SPTB: variants seen among roughly 807,000 people sequenced by gnomAD.
The protein encoded by SPTB is spectrin beta chain, erythrocytic.
A neutral mutation model predicts 256.2 loss-of-function variants in SPTB; 45 were observed. The observed-to-expected ratio is 0.18, with a 90% CI of 0.14 to 0.23. The LOEUF is 0.23. SPTB is among the 10% of genes least tolerant of loss of function. The pLI is 1.00. For missense variants in SPTB, 2,715 were observed against 3,040.4 expected (o/e 0.89, Z 2.52); for synonymous variants, 1,231 against 1,243.1 (o/e 0.99, Z 0.21).
chr14:64,812,888 T>A (rs1566780864), intron 2 of SPTB, among the ~76,000 whole-genome samples: 2 of 152,320 alleles, frequency 1.3e-5, no homozygotes, highest in South Asian at 2.1e-4. Flanking sequence ...TGCCTCTCCC[T>A]CCTTTTCTGT....
chr14:64,862,222 A>G (rs1594853674), intron 1 of SPTB, among the ~76,000 whole-genome samples: 1 of 152,116 alleles, frequency 6.6e-6, no homozygotes, highest in Non-Finnish European at 1.5e-5. Flanking sequence ...ATCTCAGTAA[A>G]TTAGCAACAG....
Position 64,760,086 on chromosome 14 carries a change from C to T in SPTB, c.6346-6293G>A, listed in dbSNP as rs370570893. Among the ~76,000 whole-genome samples the T allele has an allele frequency of 6.6e-6, 1 of 152,100 alleles. No individual in the cohort carries two copies. The highest frequency in any genetic ancestry group is 6.6e-5 in the Admixed American group (1 of 15,262). ...AGGGCACAGCCCTTTTGGGGTCTCACAGGATTGTAGTCAAACCAACAGGGA... is the reference window on the plus strand; with the variant it reads ...AGGGCACAGCCCTTTTGGGGTCTCATAGGATTGTAGTCAAACCAACAGGGA... On this transcript the variant is annotated intron_variant, in intron 32 of 35. Coordinates refer to ENST00000644917, the MANE Select transcript of SPTB (RefSeq NM_001355436.2). This position sits in a 1 kb window ranked among gnomAD's most constrained non-coding sequence, Gnocchi z 4.3.
At position 64,795,412 on chromosome 14, in the gene SPTB, C is replaced by A. The variant is rs772481672; in HGVS notation, c.1569G>T (p.Arg523Ser). 4.0e-5 allele frequency: 65 copies of A among 1,614,152 alleles called. No individual in the cohort carries two copies. Among genetic ancestry groups the A allele is most frequent in the Non-Finnish European group, 5.4e-5 (64 of 1,180,034 alleles). The change falls in exon 12 of 36, where the codon AGG becomes AGT. Residue 523 changes from arginine to serine, a missense_variant. Coordinates refer to ENST00000644917, the MANE Select transcript of SPTB (RefSeq NM_001355436.2). This position sits in a 1 kb window ranked among gnomAD's most constrained non-coding sequence, Gnocchi z 6.5. ...LQELLQSRRQ[R>S]LETTLALQKL... is the part of the protein sequence containing the mutation. ...TCTGCAGTGCCAGGGTGGTCTCGAG[C>A]CTCTGGCGCCGGGACTGCAGCAGCT...
At chr14:64,864,456 G>A (rs1355186873) in intron 1 of SPTB, among the ~76,000 whole-genome samples, 1 of 152,064 alleles carries the variant, frequency 6.6e-6, no homozygotes, top group Admixed American at 6.5e-5. Flanking sequence ...CTCAAAAACA[G>A]AAAAATGAAA....
chr14:64,859,097 CA>C (rs1263605563), intron 1 of SPTB, among the ~76,000 whole-genome samples: 1 of 151,354 alleles, frequency 6.6e-6, no homozygotes, highest in African/African-American at 2.4e-5. Context: ...CATCTCTACA[CA>C]AAAAAATTAG....
chr14:64,858,514 A>C (rs435006), intron 1 of SPTB, among the ~76,000 whole-genome samples: 142,459 of 152,106 alleles, frequency 0.94, 67,334 homozygotes, highest in Non-Finnish European at 0.98. Context: ...AGCCTGGACA[A>C]CCACAGGTGA....
intron 1 of SPTB, among the ~76,000 whole-genome samples, chr14:64,870,163 G>T (rs187728961): frequency 6.6e-6 from 1 of 152,098 alleles, no homozygotes; most frequent in Non-Finnish European, 1.5e-5. Context: ...AGCAATCAGC[G>T]CTACCCCAGG....
intron 1 of SPTB, among the ~76,000 whole-genome samples, chr14:64,840,317 G>A (rs562717785): frequency 7.2e-5 from 11 of 152,254 alleles, no homozygotes; most frequent in East Asian, 3.9e-4. Context: ...AATACTCCAC[G>A]AGGCTAACAT....
At chr14:64,791,213 A>G (rs932771435) in intron 15 of SPTB, among the ~76,000 whole-genome samples, 3 of 151,946 alleles carry the variant, frequency 2.0e-5, no homozygotes, top group African/African-American at 4.8e-5. Flanking sequence ...CACCACCTCA[A>G]TCATTCCTCC....
At position 64,795,126 on chromosome 14, in the gene SPTB, T is replaced by C. The variant is rs1276247481; in HGVS notation, c.1644+211A>G. Among the ~76,000 whole-genome samples the C allele has an allele frequency of 6.6e-6, 1 of 152,238 alleles. No homozygotes were observed. Among genetic ancestry groups the C allele is most frequent in the Admixed American group, 6.5e-5 (1 of 15,286 alleles). The stretch of plus-strand genomic sequence containing the variant: ...AGATTTCTCGGTCACCAGGGTACCA[T>C]GGACCTGGGCTGGTATCACCTGCTG... On this transcript the variant is annotated intron_variant, in intron 12 of 35. Transcript: ENST00000644917. This position sits in a 1 kb window ranked among gnomAD's most constrained non-coding sequence, Gnocchi z 6.5.
In SPTB at chr14:64,749,313, T is replaced by C. The variant is rs772778745; in HGVS notation, c.6980A>G (p.Lys2327Arg). ...KEKRFSFFPK[K>R]K ...GCCCGCCAGCCCCACCTGCTACTTC[T>C]TTTTGGGGAAGAAGCTGAATCTCTT... is the stretch of plus-strand genomic sequence containing the variant. Residue 2327 changes from lysine (K) to arginine (R), a missense_variant, in exon 36 of 36, where the codon AAG becomes AGG. Lys to Arg is a conservative substitution (Grantham distance 26, BLOSUM62 2). This residue lies in a region of SPTB where 2,239 missense variants were observed against 2,384.4 expected (regional missense o/e 0.94). Coordinates refer to ENST00000644917, the MANE Select transcript of SPTB (RefSeq NM_001355436.2). The surrounding 1 kb of genome is among the most constrained non-coding windows in gnomAD (Gnocchi z 4.7). 1 of 1,603,206 alleles carries C rather than the reference T, an allele frequency of 6.2e-7. No individual in the cohort carries two copies. Among genetic ancestry groups the C allele is most frequent in the Non-Finnish European group, 8.5e-7 (1 of 1,176,506 alleles).
chr14:64,793,003 T>C lies in SPTB; in HGVS notation c.2660A>G (p.Gln887Arg), dbSNP rs868238812. 6.2e-6 allele frequency: 10 copies of C among 1,613,846 alleles called. No homozygotes were observed. In the African/African-American group the frequency reaches 1.1e-4, roughly 17 times the overall value. ...AAGATGAGTTAACTCTGACCTGTGC[T>C]GCACGACCTCCAGGTCCTCCAGGGT... ...PDTLEDLEVV[Q>R]HRFDILDQEM... Residue 887 changes from glutamine to arginine, a missense_variant, in exon 14 of 36, where the codon CAG (glutamine) becomes CGG (arginine). Transcript: ENST00000644917. This position sits in a 1 kb window ranked among gnomAD's most constrained non-coding sequence, Gnocchi z 7.0.
chr14:64,815,589 G>A (rs75944157), intron 2 of SPTB, among the ~76,000 whole-genome samples: 14,490 of 152,248 alleles, frequency 0.095, 758 homozygotes, highest in Middle Eastern at 0.12. Flanking sequence ...TGGCTGCATA[G>A]AGAGATTACA....
chr14:64,765,710 A>G (rs113996314), intron 32 of SPTB, among the ~76,000 whole-genome samples: 7,581 of 152,214 alleles, frequency 0.05, 284 homozygotes, highest in African/African-American at 0.1. Context: ...GGCTCTGCAT[A>G]GGGGGAAAGA....
At chr14:64,784,506 C>T (rs1182292427) in intron 18 of SPTB, 113 bp from the exon 19 acceptor site, 14 of 1,404,550 alleles carry the variant, frequency 1.0e-5, no homozygotes, top group Non-Finnish European at 1.3e-5. Flanking sequence ...GAAGTGCAAG[C>T]ACAGAAGAGA....
rs2082768054 is a variant in SPTB at position 64,796,319 on chromosome 14, A to C, written c.1341+238T>G. 6.6e-6 allele frequency among the ~76,000 whole-genome samples: 1 copy of C among 152,196 alleles called. No individual in the cohort carries two copies. The highest frequency in any genetic ancestry group is 1.5e-5 in the Non-Finnish European group (1 of 68,028). On this transcript the variant is annotated intron_variant, in intron 11 of 35. Coordinates refer to ENST00000644917, the MANE Select transcript of SPTB (RefSeq NM_001355436.2). This position sits in a 1 kb window ranked among gnomAD's most constrained non-coding sequence, Gnocchi z 4.1. Reference sequence around the variant, plus strand: ...GCTGTAGTTGACACTACAGGCCCACATAAGACAACTTCAGCGGCCAGTTCT... The same window carrying C: ...GCTGTAGTTGACACTACAGGCCCACCTAAGACAACTTCAGCGGCCAGTTCT...
At position 64,807,074 on chromosome 14, in the gene SPTB, G is replaced by A. The variant is rs1461165445; in HGVS notation, c.149-1984C>T. 6.6e-6 allele frequency among the ~76,000 whole-genome samples: 1 copy of A among 152,098 alleles called. No individual in the cohort carries two copies. The highest frequency in any genetic ancestry group is 1.5e-5 in the Non-Finnish European group (1 of 68,030). On this transcript the variant is annotated intron_variant, in intron 2 of 35. Transcript: ENST00000644917. The surrounding 1 kb of genome is among the most constrained non-coding windows in gnomAD (Gnocchi z 4.7). ...ACGGAAAGCAATTGCACTTATTTTG[G>A]GGCATTTTTAGATTCAACAGAGCCA... is the stretch of plus-strand genomic sequence containing the variant.
Position 64,749,556 on chromosome 14 carries a change from G to T in SPTB, c.6820-83C>A. 6.2e-7 allele frequency: 1 copy of T among 1,603,336 alleles called. No individual in the cohort carries two copies. The highest frequency in any genetic ancestry group is 8.5e-7 in the Non-Finnish European group (1 of 1,178,424). ...CCAGGCAACAATGGTGGGGGCTCTT[G>T]GGACTGCCCCTTCTGAGGGGGCCTC... On this transcript the variant is annotated intron_variant, in intron 35 of 35. Transcript: ENST00000644917. The surrounding 1 kb of genome is among the most constrained non-coding windows in gnomAD (Gnocchi z 4.7).
In SPTB at chr14:64,777,819, G is replaced by A. The variant is rs762850974; in HGVS notation, c.4563+1338C>T. On this transcript the variant is annotated intron_variant, in intron 22 of 35. Coordinates refer to ENST00000644917, the MANE Select transcript of SPTB (RefSeq NM_001355436.2). The surrounding 1 kb of genome is among the most constrained non-coding windows in gnomAD (Gnocchi z 4.5). ...GTGAGCCTAAAATAGTCTTCATTAGGGCAGTCACGCTGTCCCAAGAGGCTG... is the reference window on the plus strand; with the variant it reads ...GTGAGCCTAAAATAGTCTTCATTAGAGCAGTCACGCTGTCCCAAGAGGCTG... Among the ~76,000 whole-genome samples, 7 of 152,130 alleles carry A rather than the reference G, an allele frequency of 4.6e-5. No individual in the cohort carries two copies. The highest frequency in any genetic ancestry group is 2.6e-4 in the Admixed American group (4 of 15,278).
Sources: gnomAD v4.1 joint callset for allele counts (sites outside exome capture counted in the v4.1 genomes callset) on GRCh38, gnomAD v4.1.1 for gene constraint, gnomAD v4.1.1 regional missense constraint, Gnocchi (gnomAD v3.1) non-coding constraint, MANE v1.5 for transcripts, NCBI Gene and HGNC (gene_info 2026-07-23, HGNC 2026-07-21) for gene names.